NETO1: variants seen among roughly 807,000 people sequenced by gnomAD.
NETO1 encodes neuropilin and tolloid-like protein 1.
A neutral mutation model predicts 61.3 loss-of-function variants in NETO1; 26 were observed. That is an observed-to-expected ratio of 0.42 (90% CI 0.31 to 0.59). The LOEUF is 0.59. NETO1 is among the 20% of genes least tolerant of loss of function. NETO1 has a pLI of 0.12. For synonymous variants in NETO1, 225 were observed against 225.8 expected (o/e 1.00, Z 0.03); for missense variants, 531 against 662.8 (o/e 0.80, Z 2.18).
chr18:72,835,409 G>A (rs1014564594), intron 4 of NETO1: 39 of 1,070,128 alleles, frequency 3.6e-5, no homozygotes, highest in South Asian at 3.3e-4. Context: ...CAGCTGTTTG[G>A]GTAATACAGG....
In NETO1 at chr18:72,822,158, G is replaced by C. The variant is rs375395655; in HGVS notation, c.470-27754C>G. Among the ~76,000 whole-genome samples, 332 of 152,300 alleles carry C rather than the reference G, an allele frequency of 2.2e-3. 5 individuals carry two copies. Among genetic ancestry groups the C allele is most frequent in the South Asian group, 0.014 (69 of 4,824 alleles). On this transcript the variant is annotated intron_variant, in intron 4 of 10. Transcript: ENST00000327305. ...TCAGCCCTGACTTTTCCTTACAGCT[G>C]TAGTGGAATTTGTGTGTGACCCACG...
intron 4 of NETO1, among the ~76,000 whole-genome samples, chr18:72,796,543 C>T (rs2072318404): frequency 6.6e-6 from 1 of 152,038 alleles, no homozygotes; most frequent in South Asian, 2.1e-4. Flanking sequence ...GCGCAGTGAT[C>T]TCGTCTCACT....
At chr18:72,839,368 T>C (rs934641624) in intron 4 of NETO1, among the ~76,000 whole-genome samples, 2 of 152,216 alleles carry the variant, frequency 1.3e-5, no homozygotes, top group African/African-American at 2.4e-5. Context: ...GGAAAAACGA[T>C]ACAATTTTGT....
At chr18:72,846,009 G>C (rs542450813) in intron 4 of NETO1, among the ~76,000 whole-genome samples, 1 of 152,010 alleles carries the variant, frequency 6.6e-6, no homozygotes, top group African/African-American at 2.4e-5. Flanking sequence ...CTGTCTATTC[G>C]TATAATCACT....
chr18:72,858,740 A>G, intron 4 of NETO1, 86 bp downstream of exon 4: 1 of 1,286,600 alleles, frequency 7.8e-7, no homozygotes. Context: ...CTGAGAAAGT[A>G]TAATGTTGTC....
intron 4 of NETO1, among the ~76,000 whole-genome samples, chr18:72,812,393 A>G (rs1599051276): frequency 6.6e-6 from 1 of 151,990 alleles, no homozygotes; most frequent in East Asian, 1.9e-4. Context: ...CAACACGTCC[A>G]AAATTTACAC....
chr18:72,821,660 A>G (rs1168336405), intron 4 of NETO1, among the ~76,000 whole-genome samples: 1 of 152,012 alleles, frequency 6.6e-6, no homozygotes, highest in Non-Finnish European at 1.5e-5. Context: ...TGATCTCATT[A>G]ATCTCAAAAC....
At chr18:72,841,573 A>C (rs1020621015) in intron 4 of NETO1, among the ~76,000 whole-genome samples, 2 of 151,884 alleles carry the variant, frequency 1.3e-5, no homozygotes, top group African/African-American at 4.8e-5. Context: ...ATCTCTACTG[A>C]AAATGAAATA....
chr18:72,771,466 T>C (rs2071348805), intron 7 of NETO1, among the ~76,000 whole-genome samples: 1 of 152,160 alleles, frequency 6.6e-6, no homozygotes, highest in Non-Finnish European at 1.5e-5. Context: ...TCTGAGTTAG[T>C]GTGGAAGTGC....
chr18:72,786,964 C>T (rs2145245561), intron 6 of NETO1, among the ~76,000 whole-genome samples: 1 of 151,322 alleles, frequency 6.6e-6, no homozygotes, highest in Middle Eastern at 3.4e-3. Flanking sequence ...AAAATAATAA[C>T]TTGCTCCAGG....
intron 4 of NETO1, among the ~76,000 whole-genome samples, chr18:72,803,885 G>A (rs1024511364): frequency 6.6e-6 from 1 of 151,716 alleles, no homozygotes; most frequent in African/African-American, 2.4e-5. Context: ...TGTTAGACTG[G>A]GTTCTCTTCA....
chr18:72,772,821 CTCTCTATATATATATATATATATA>C (rs1347436052), intron 7 of NETO1, among the ~76,000 whole-genome samples: 626 of 50,610 alleles, frequency 0.012, 3 homozygotes, highest in African/African-American at 0.038. Context: ...CTCTCTCTCT[CTCTCTATATATATATATATATATA>C]TATATATATA....
In NETO1 at chr18:72,858,906, C is replaced by T. The variant is rs1253764781; in HGVS notation, c.389G>A (p.Gly130Glu). The T allele has an allele frequency of 6.2e-7, 1 of 1,613,832 alleles. No homozygotes were observed. The highest frequency in any genetic ancestry group is 8.5e-7 in the Non-Finnish European group (1 of 1,179,868). ...AAAAAATTTAATCCATAGAAATCTT[C>T]CACTGGATTTTATGACAGGTGGATT... ...QQNPPVIKSS[G>E]RFLWIKFFAD... Residue 130 changes from glycine to glutamate, a missense_variant, in exon 4 of 11, where the codon GGA becomes GAA. By Grantham distance (98) the Gly-to-Glu change is moderately conservative (BLOSUM62 -2). Transcript: ENST00000327305.
At position 72,867,375 on chromosome 18, in the gene NETO1, G is replaced by T; in HGVS notation, c.-84C>A. 1 of 1,127,354 alleles carries T rather than the reference G, an allele frequency of 8.9e-7. No homozygotes were observed. The highest frequency in any genetic ancestry group is 1.2e-6 in the Non-Finnish European group (1 of 806,928). 69.8% of individuals were successfully genotyped at this position (1,127,354 alleles called of 1,614,324 possible). A position where few individuals can be genotyped will look rare whatever the true frequency, so the allele number is the denominator to read the frequency against. ...CTTCCAGTGGCGGGGGGAGGACAGG[G>T]TCGAGAGGTGTTAAAGACGCAAAGC... On this transcript the variant is annotated 5_prime_UTR_variant, in exon 1 of 11. Transcript: ENST00000327305.
In NETO1 at chr18:72,830,969, T is replaced by C. The variant is rs1026350551; in HGVS notation, c.469+27857A>G. Among the ~76,000 whole-genome samples the C allele has an allele frequency of 4.6e-5, 7 of 152,164 alleles. No individual in the cohort carries two copies. Among genetic ancestry groups the C allele is most frequent in the African/African-American group, 1.7e-4 (7 of 41,432 alleles). On this transcript the variant is annotated intron_variant, in intron 4 of 10. Transcript: ENST00000327305. The surrounding 1 kb of genome is among the most constrained non-coding windows in gnomAD (Gnocchi z 4.9). Reference sequence around the variant, plus strand: ...CCTTCTGACTGCAAAATCTTCTTGATGAGGTATACTATTACCTCATCAAGG... The same window carrying C: ...CCTTCTGACTGCAAAATCTTCTTGACGAGGTATACTATTACCTCATCAAGG...
intron 1 of NETO1, among the ~76,000 whole-genome samples, chr18:72,865,985 CAA>C (rs2074721943): frequency 2.6e-5 from 4 of 152,170 alleles, no homozygotes; most frequent in African/African-American, 9.7e-5. Flanking sequence ...TTTCCAGTGT[CAA>C]AGAGACTGTG....
intron 4 of NETO1, among the ~76,000 whole-genome samples, chr18:72,820,498 G>A (rs1045757376): frequency 2.2e-4 from 34 of 152,208 alleles, no homozygotes; most frequent in African/African-American, 7.7e-4. Context: ...GGAGCTGTTT[G>A]TTCAACAGCC....
At chr18:72,763,601 A>G (rs1555682612) in intron 7 of NETO1, among the ~76,000 whole-genome samples, 1 of 151,760 alleles carries the variant, frequency 6.6e-6, no homozygotes. Flanking sequence ...ACACTCACAA[A>G]CACACACACC....
At chr18:72,789,654 T>C (rs1490331486) in intron 6 of NETO1, among the ~76,000 whole-genome samples, 1 of 152,162 alleles carries the variant, frequency 6.6e-6, no homozygotes, top group Non-Finnish European at 1.5e-5. Flanking sequence ...CTGGGTTCTT[T>C]GGTGAGGGCA....
Sources: gnomAD v4.1 joint callset for allele counts (sites outside exome capture counted in the v4.1 genomes callset) on GRCh38, gnomAD v4.1.1 for gene constraint, Gnocchi (gnomAD v3.1) non-coding constraint, MANE v1.5 for transcripts, NCBI Gene and HGNC (gene_info 2026-07-23, HGNC 2026-07-21) for gene names.